The following DDHD2 variants were observed in gnomAD, a reference collection of about 807,000 sequenced individuals.
DDHD2 encodes DDHD domain containing 2.
In DDHD2, 62 loss-of-function variants were observed where a neutral mutation model predicts 91.2. The ratio of observed to expected loss-of-function variants is 0.68; its 90% CI spans 0.55 to 0.84. The LOEUF (loss-of-function observed/expected upper bound fraction) is 0.84. Ranked by LOEUF, DDHD2 falls within the 40% of genes least tolerant of loss-of-function variation. DDHD2 has a pLI of 0.00. For missense variants in DDHD2, 740 were observed against 846.9 expected, an observed-to-expected ratio of 0.87 and a Z score of 1.57; for synonymous variants, 271 against 293.9, an observed-to-expected ratio of 0.92 and a Z score of 0.80.
chr8:38,238,192 C>G lies in DDHD2; in HGVS notation c.605C>G (p.Ser202Cys). 6.2e-7 allele frequency: 1 copy of G among 1,613,964 alleles called. No homozygotes were observed. Among genetic ancestry groups the G allele is most frequent in the East Asian group, 2.2e-5 (1 of 44,862 alleles). Residue 202 changes from serine to cysteine, a missense_variant, in exon 5 of 18, where the codon TCT becomes TGT. Ser to Cys is a moderately radical substitution (Grantham distance 112). Transcript: ENST00000397166. ...GTGAAGAGAGGAGTTGAGAACATCT[C>G]TGTTGACATTCATTGTGGTAATGTT... ...RTVKRGVENI[S>C]VDIHCGEPLQ...
At position 38,253,666 on chromosome 8, in the gene DDHD2, A is replaced by G. The variant is rs903399518; in HGVS notation, c.2002A>G (p.Ile668Val). Residue 668 changes from isoleucine (I) to valine (V), a missense_variant, in exon 16 of 18, where the codon ATT becomes GTT. Transcript: ENST00000397166. ...TGACTATGTGCTACAGGAGAAGCCT[A>G]TTGAAAGTTTTAATGAGTATTTATT... ...RIDYVLQEKPIESFNEYLFAL... is the reference protein window; with the variant it reads ...RIDYVLQEKPVESFNEYLFAL... 1.2e-5 allele frequency: 19 copies of G among 1,614,046 alleles called. No individual in the cohort carries two copies. Among genetic ancestry groups the G allele is most frequent in the South Asian group, 9.9e-5 (9 of 91,086 alleles).
At chr8:38,237,168 G>A (rs1201624662) in intron 3 of DDHD2, among the ~76,000 whole-genome samples, 1 of 151,908 alleles carries the variant, frequency 6.6e-6, no homozygotes, top group Non-Finnish European at 1.5e-5. Context: ...CTGAGGTCAG[G>A]AGTTTGAGAC....
chr8:38,255,158 G>T (rs1237791585), intron 16 of DDHD2, among the ~76,000 whole-genome samples: 1 of 141,618 alleles, frequency 7.1e-6, no homozygotes, highest in Admixed American at 7.8e-5. Context: ...CACGGCCACC[G>T]CAGTCCAGCC....
downstream of DDHD2, chr8:38,264,760 T>G (rs1807321642): frequency 6.9e-7 from 1 of 1,455,974 alleles, no homozygotes; most frequent in Non-Finnish European, 9.1e-7. Context: ...AATCTTTTTA[T>G]TCTCAATTTT....
At chr8:38,249,627 G>A (rs1430200215) in intron 10 of DDHD2, 81 bp from the exon 11 acceptor site, 3 of 855,558 alleles carry the variant, frequency 3.5e-6, no homozygotes, top group East Asian at 5.3e-5. Flanking sequence ...GCAACAGAGT[G>A]CCTAGGCCTT....
At chr8:38,270,378 A>G (rs1331322377) in intron 1 of DDHD2, 1 of 152,248 alleles carries the variant, frequency 6.6e-6, no homozygotes, top group East Asian at 1.9e-4. Context: ...GTTGTGCAAT[A>G]TCACTCAAAT....
At chr8:38,245,418 C>T (rs1462373352) in intron 7 of DDHD2, among the ~76,000 whole-genome samples, 1 of 147,944 alleles carries the variant, frequency 6.8e-6, no homozygotes, top group African/African-American at 2.5e-5. Context: ...GGCAATAGAG[C>T]GAGAGTCTGT....
chr8:38,263,612 G>GCA (rs1194797935), downstream of DDHD2: 1 of 985,232 alleles, frequency 1.0e-6, no homozygotes, highest in Non-Finnish European at 1.2e-6. Flanking sequence ...CAGATAAGAT[G>GCA]CACACAAAAG....
Position 38,239,642 on chromosome 8 carries a change from G to A in DDHD2, c.623-633G>A, listed in dbSNP as rs866030067. Among the ~76,000 whole-genome samples the A allele has an allele frequency of 9.2e-5, 12 of 130,112 alleles. No individual in the cohort carries two copies. In the East Asian group the frequency reaches 9.6e-4, roughly 10 times the overall value. 85.4% of individuals were successfully genotyped at this position (130,112 alleles called of 152,430 possible). A position where few individuals can be genotyped will look rare whatever the true frequency, so the allele number is the denominator to read the frequency against. ...GCAGAGGTTGCAGTGAGCCAAGATC[G>A]TGCCACTGCACTCCAGCCTGGGTGA... On this transcript the variant is annotated intron_variant, in intron 5 of 17. Coordinates refer to ENST00000397166, the MANE Select transcript of DDHD2 (RefSeq NM_015214.3).
chr8:38,246,020 A>G (rs368791989), intron 8 of DDHD2, 70 bp downstream of exon 8: 45 of 1,446,218 alleles, frequency 3.1e-5, no homozygotes, highest in Admixed American at 5.1e-5. Context: ...TTGAAGCACA[A>G]TGTCTTTTAT....
In DDHD2 at chr8:38,231,645, C is replaced by G. The variant is rs949975426; in HGVS notation, c.-223C>G. 17 of 152,226 alleles carry G rather than the reference C, an allele frequency of 1.1e-4. No homozygotes were observed. Among genetic ancestry groups the G allele is most frequent in the African/African-American group, 4.1e-4 (17 of 41,424 alleles). 9.4% of individuals were successfully genotyped at this position (152,226 alleles called of 1,614,324 possible). On this transcript the variant is annotated 5_prime_UTR_variant, in exon 1 of 18. Coordinates refer to ENST00000397166, the MANE Select transcript of DDHD2 (RefSeq NM_015214.3). ...GCCCCACCCGCGGTCGCGCGCCGCG[C>G]TCCCCGCCGCCTCACCTTTTCGCCT...
At chr8:38,271,038 T>C (rs1808455081) in intron 1 of DDHD2, 1 of 152,188 alleles carries the variant, frequency 6.6e-6, no homozygotes, top group African/African-American at 2.4e-5. Context: ...GGAAAGAAGA[T>C]GTGCTTGGGG....
chr8:38,247,621 C>G, intron 9 of DDHD2, 92 bp from the exon 10 acceptor site: 1 of 754,170 alleles, frequency 1.3e-6, no homozygotes, highest in Admixed American at 3.2e-5. Context: ...AGATACATTG[C>G]TGTGGAAATC....
At chr8:38,251,597 A>G (rs191994202) in intron 11 of DDHD2, 315 of 228,094 alleles carry the variant, frequency 1.4e-3, no homozygotes, top group Non-Finnish European at 2.4e-3. Context: ...AAGAATGTCA[A>G]TTAACAATTT....
chr8:38,270,088 T>C (rs1176217647), intron 1 of DDHD2: 1 of 152,214 alleles, frequency 6.6e-6, no homozygotes, highest in Non-Finnish European at 1.5e-5. Context: ...CAAGTCATTA[T>C]ACAGTAATGC....
intron 1 of DDHD2, chr8:38,269,090 C>A: frequency 6.6e-7 from 1 of 1,526,016 alleles, no homozygotes; most frequent in South Asian, 1.2e-5. Flanking sequence ...GCCTGGGAAG[C>A]GGGGCCGCCC....
At position 38,242,377 on chromosome 8, in the gene DDHD2, T is replaced by G. The variant is rs762476082; in HGVS notation, c.840T>G (p.Gly280=). ...GGCACAGTCCTTTGCATTCTACTGGTGTGGATGTGTGAGTAATACTTAATA... is the reference window on the plus strand; with the variant it reads ...GGCACAGTCCTTTGCATTCTACTGGGGTGGATGTGTGAGTAATACTTAATA... ...VNWHSPLHST[G]VDVDLQRITL... is the part of the protein sequence containing the mutation. Residue 280 remains glycine, a synonymous_variant, in exon 7 of 18, where the codon GGT becomes GGG. Transcript: ENST00000397166. 5 of 1,610,528 alleles carry G rather than the reference T, an allele frequency of 3.1e-6. No homozygotes were observed. Among genetic ancestry groups the G allele is most frequent in the Non-Finnish European group, 4.2e-6 (5 of 1,179,054 alleles).
intron 15 of DDHD2, 177 bp from the exon 16 acceptor site, chr8:38,253,379 A>T: frequency 1.3e-6 from 1 of 749,182 alleles, no homozygotes; most frequent in African/African-American, 1.8e-5. Context: ...GGATTGGACA[A>T]AATTACTGTG....
intron 16 of DDHD2, among the ~76,000 whole-genome samples, chr8:38,259,292 C>T (rs1416744336): frequency 6.6e-6 from 1 of 151,574 alleles, no homozygotes; most frequent in African/African-American, 2.4e-5. Flanking sequence ...CAACCTTCGG[C>T]TCACTGCAAC....
Sources: allele counts gnomAD v4.1 joint callset (sites outside exome capture counted in the v4.1 genomes callset), GRCh38; gene constraint gnomAD v4.1.1; transcripts MANE v1.5; gene names NCBI Gene and HGNC (gene_info 2026-07-23, HGNC 2026-07-21).